Variants in MECR observed in about 807,000 individuals in gnomAD.
MECR encodes mitochondrial trans-2-enoyl-CoA reductase, also known as enoyl-[acyl-carrier-protein] reductase, mitochondrial.
A neutral mutation model predicts 49.1 loss-of-function variants in MECR; 37 were observed. The observed-to-expected ratio is 0.75, with a 90% CI of 0.58 to 0.99. MECR has a LOEUF of 0.99. Ranked by LOEUF, MECR falls within the 50% of genes least tolerant of loss-of-function variation. The probability of loss-of-function intolerance (pLI) is 0.00; values close to 1 mark genes in which losing one functional copy is unlikely to be tolerated. For missense variants in MECR, 470 were observed against 479.6 expected (o/e 0.98, Z 0.19); for synonymous variants, 198 against 191.1 (o/e 1.04, Z -0.30).
At chr1:29,189,932 GA>G (rs1673089434), downstream of MECR, among the ~76,000 whole-genome samples, 1 of 152,106 alleles carries the variant, frequency 6.6e-6, no homozygotes, top group Non-Finnish European at 1.5e-5. Context: ...TTAAACCATT[GA>G]ATTTGTATTA....
At chr1:29,179,554 G>A in the MECR span, among the ~76,000 whole-genome samples, 1 of 151,996 alleles carries the variant, frequency 6.6e-6, no homozygotes, top group African/African-American at 2.4e-5. Context: ...TTAGAGATGG[G>A]GTCAGGCTGG....
chr1:29,173,646 A>C, the MECR span, among the ~76,000 whole-genome samples: 1 of 142,762 alleles, frequency 7.0e-6, no homozygotes, highest in Non-Finnish European at 1.5e-5. Context: ...ACGGGGTTTC[A>C]CCATGCTGGC....
chr1:29,181,810 C>T, the MECR span: 1 of 1,436,412 alleles, frequency 7.0e-7, no homozygotes, highest in Non-Finnish European at 9.2e-7. Context: ...CGGCGGCGGG[C>T]AAAGCGAGAG....
At chr1:29,223,071 G>T (rs1477499343) in intron 1 of MECR, 13 of 983,184 alleles carry the variant, frequency 1.3e-5, no homozygotes, top group South Asian at 4.7e-5. Flanking sequence ...GGAAACAGTG[G>T]CTATGTTTTG....
intron 1 of MECR, chr1:29,223,321 A>G: frequency 1.0e-6 from 1 of 983,538 alleles, no homozygotes; most frequent in Non-Finnish European, 1.2e-6. Context: ...GCCTTTTGAG[A>G]GGGGGGAAAA....
At chr1:29,180,368 C>A in the MECR span, among the ~76,000 whole-genome samples, 1 of 152,150 alleles carries the variant, frequency 6.6e-6, no homozygotes, top group Non-Finnish European at 1.5e-5. Context: ...GTTTTTAAAG[C>A]CTTTTACTGT....
At chr1:29,190,208 A>G (rs1456553759), downstream of MECR, among the ~76,000 whole-genome samples, 1 of 151,916 alleles carries the variant, frequency 6.6e-6, no homozygotes, top group Non-Finnish European at 1.5e-5. Flanking sequence ...CCCTGTCTCT[A>G]CTAAAAATAC....
the MECR span, among the ~76,000 whole-genome samples, chr1:29,180,367 G>A: frequency 6.6e-6 from 1 of 152,172 alleles, no homozygotes; most frequent in African/African-American, 2.4e-5. Flanking sequence ...AGTTTTTAAA[G>A]CCTTTTACTG....
intron 1 of MECR, among the ~76,000 whole-genome samples, chr1:29,218,853 A>C (rs1172710444): frequency 1.3e-5 from 2 of 152,224 alleles, no homozygotes. Flanking sequence ...CTTACCAGTC[A>C]GGCACACTGC....
At chr1:29,191,882 A>G (rs974581080), downstream of MECR, among the ~76,000 whole-genome samples, 4 of 152,138 alleles carry the variant, frequency 2.6e-5, no homozygotes, top group Admixed American at 6.5e-5. Flanking sequence ...TCACGAGGTC[A>G]GGAGTTCAAG....
downstream of MECR, among the ~76,000 whole-genome samples, chr1:29,192,255 C>A (rs1558399686): frequency 6.6e-6 from 1 of 152,220 alleles, no homozygotes; most frequent in African/African-American, 2.4e-5. Flanking sequence ...TCCCCCACGT[C>A]TAAGGCAGCA....
At chr1:29,197,269 T>C (rs1237714196) in intron 7 of MECR, among the ~76,000 whole-genome samples, 1 of 152,172 alleles carries the variant, frequency 6.6e-6, no homozygotes, top group Non-Finnish European at 1.5e-5. Flanking sequence ...CCTAGGGTGA[T>C]GCAGTGAAAA....
chr1:29,182,568 G>A, the MECR span, among the ~76,000 whole-genome samples: 4 of 151,064 alleles, frequency 2.6e-5, no homozygotes, highest in African/African-American at 7.3e-5. Flanking sequence ...TTTTTGAGAC[G>A]AGTTTCGCTC....
At chr1:29,211,010 C>T (rs1022006016) in intron 3 of MECR, among the ~76,000 whole-genome samples, 4 of 152,160 alleles carry the variant, frequency 2.6e-5, no homozygotes, top group Non-Finnish European at 2.9e-5. Context: ...TTAACCATCT[C>T]CATTGTTGAA....
rs147360258 is a variant in MECR, at chr1:29,196,744, C to G, written c.831-486G>C. ...GCATGCTGGGGATGGCAGCTCACAC[C>G]TGTAATACCAGCACTTTGGGAGGCC... On this transcript the variant is annotated intron_variant, in intron 7 of 9. Transcript: ENST00000263702. Among the ~76,000 whole-genome samples the G allele has an allele frequency of 6.3e-4, 96 of 152,094 alleles. No individual in the cohort carries two copies. The East Asian group carries it at 0.018, about 28-fold the overall frequency.
the MECR span, among the ~76,000 whole-genome samples, chr1:29,181,389 C>G: frequency 6.6e-6 from 1 of 152,218 alleles, no homozygotes; most frequent in Non-Finnish European, 1.5e-5. Flanking sequence ...GAGCACCAGC[C>G]CCACTCGGGC....
the MECR span, chr1:29,172,540 C>T: frequency 6.6e-6 from 1 of 152,218 alleles, no homozygotes; most frequent in Admixed American, 6.5e-5. Flanking sequence ...GATCCGCCCG[C>T]CTTGGCCTCC....
intron 1 of MECR, among the ~76,000 whole-genome samples, chr1:29,226,167 T>TAAAAA (rs57234529): frequency 1.4e-4 from 6 of 44,364 alleles, no homozygotes; most frequent in Non-Finnish European, 2.1e-4. Flanking sequence ...AGGCTCTATC[T>TAAAAA]AAAAAAAAAA....
intron 7 of MECR, among the ~76,000 whole-genome samples, chr1:29,199,650 C>T (rs181072609): frequency 1.6e-3 from 242 of 151,900 alleles, no homozygotes; most frequent in Non-Finnish European, 1.8e-3. Flanking sequence ...ATGGAATCTC[C>T]CTTTGTCACC....
Sources: gnomAD v4.1 joint callset for allele counts (sites outside exome capture counted in the v4.1 genomes callset) on GRCh38, gnomAD v4.1.1 for gene constraint, MANE v1.5 for transcripts, NCBI Gene and HGNC (gene_info 2026-07-23, HGNC 2026-07-21) for gene names.